The following ALPK2 variants were observed in gnomAD, a reference collection of about 807,000 sequenced individuals.
The protein encoded by ALPK2 is alpha kinase 2, also known as alpha-protein kinase 2.
ALPK2 carries 127 observed loss-of-function variants against 163.1 expected under a neutral mutation model. The ratio of observed to expected loss-of-function variants is 0.78; its 90% CI spans 0.67 to 0.90. The LOEUF is 0.90. ALPK2 is among the 40% of genes least tolerant of loss of function. ALPK2 has a pLI of 0.00. For synonymous variants in ALPK2, 953 were observed against 959.1 expected (o/e 0.99, Z 0.12); for missense variants, 2,360 against 2,589.6 (o/e 0.91, Z 1.92).
At chr18:58,516,840 T>C in intron 9 of ALPK2, 68 bp downstream of exon 9, 2 of 1,543,970 alleles carry the variant, frequency 1.3e-6, no homozygotes, top group Admixed American at 3.5e-5. Context: ...CTGAGTCTGA[T>C]TTTCATCTCG....
At chr18:58,505,021 G>C (rs571941864) in intron 10 of ALPK2, among the ~76,000 whole-genome samples, 6 of 152,238 alleles carry the variant, frequency 3.9e-5, no homozygotes, top group Non-Finnish European at 7.4e-5. Flanking sequence ...AGGCCTTGGG[G>C]GACCTGGGAG....
At chr18:58,590,712 A>G (rs1011322562) in intron 3 of ALPK2, among the ~76,000 whole-genome samples, 1 of 152,214 alleles carries the variant, frequency 6.6e-6, no homozygotes, top group African/African-American at 2.4e-5. Flanking sequence ...GAATTTCTTG[A>G]TCATATTTTC....
rs1568101775 is a variant in ALPK2 at position 58,613,712 on chromosome 18, AATAATAATAAT to A, written c.-20-1906_-20-1896del. On this transcript the variant is annotated intron_variant, in intron 1 of 12. Coordinates refer to ENST00000361673, the MANE Select transcript of ALPK2 (RefSeq NM_052947.4). ...AGACTCCATCTCAAAAAAAAAAAAT[AATAATAATAAT>A]AATAATAATAATAATAATAATAAAA... Among the ~76,000 whole-genome samples the A allele has an allele frequency of 1.4e-3, 63 of 44,886 alleles. 2 individuals carry two copies. Among genetic ancestry groups the A allele is most frequent in the Admixed American group, 5.5e-3 (31 of 5,594 alleles). 29.4% of individuals were successfully genotyped at this position (44,886 alleles called of 152,430 possible).
At chr18:58,550,551 CTATCATATATGACTCTACCCT>C (rs1568082619) in intron 4 of ALPK2, among the ~76,000 whole-genome samples, 944 of 151,800 alleles carry the variant, frequency 6.2e-3, no homozygotes, top group Middle Eastern at 0.01. Flanking sequence ...ATCCCCATCT[CTATCATATATGACTCTACCCT>C]CATCTATATC....
chr18:58,486,344 C>T (rs895766906), intron 12 of ALPK2, among the ~76,000 whole-genome samples: 1 of 152,184 alleles, frequency 6.6e-6, no homozygotes, highest in Non-Finnish European at 1.5e-5. Context: ...AGTGGGCTCT[C>T]TCCGCACCAT....
At chr18:58,611,973 G>C (rs1006891262) in intron 1 of ALPK2, among the ~76,000 whole-genome samples, 156 bp from the exon 2 acceptor site, 2 of 152,212 alleles carry the variant, frequency 1.3e-5, no homozygotes, top group African/African-American at 4.8e-5. Flanking sequence ...CCAGGCCGTG[G>C]TGCTGCTGGT....
intron 10 of ALPK2, among the ~76,000 whole-genome samples, chr18:58,514,329 T>C (rs942014881): frequency 7.2e-5 from 11 of 152,246 alleles, no homozygotes; most frequent in African/African-American, 2.7e-4. Flanking sequence ...GGTAAATAGC[T>C]GCTCTGTCTG....
At chr18:58,606,143 A>G (rs1260848104) in intron 3 of ALPK2, among the ~76,000 whole-genome samples, 1 of 152,182 alleles carries the variant, frequency 6.6e-6, no homozygotes, top group East Asian at 1.9e-4. Flanking sequence ...CAGTGGTGCA[A>G]TCATAGCTCA....
At chr18:58,604,809 G>A (rs919906650) in intron 3 of ALPK2, among the ~76,000 whole-genome samples, 1 of 152,110 alleles carries the variant, frequency 6.6e-6, no homozygotes, top group African/African-American at 2.4e-5. Flanking sequence ...AACAGGGAAT[G>A]GTGACTCCCT....
chr18:58,483,343 G>A (rs1397671844), intron 12 of ALPK2, among the ~76,000 whole-genome samples: 2 of 152,046 alleles, frequency 1.3e-5, no homozygotes, highest in Admixed American at 6.6e-5. Flanking sequence ...TCCCATTGCT[G>A]TTAAAACGAA....
chr18:58,570,648 G>A (rs1459560876), intron 4 of ALPK2, among the ~76,000 whole-genome samples: 2 of 152,198 alleles, frequency 1.3e-5, no homozygotes, highest in Non-Finnish European at 2.9e-5. Flanking sequence ...GGACTTGCAC[G>A]TCAAGGCCTC....
chr18:58,588,888 A>G (rs945075012), intron 3 of ALPK2, among the ~76,000 whole-genome samples: 1 of 152,202 alleles, frequency 6.6e-6, no homozygotes, highest in East Asian at 1.9e-4. Context: ...TGGTGCTGCA[A>G]TGAACATATG....
chr18:58,528,199 C>G (rs186199113), intron 6 of ALPK2, among the ~76,000 whole-genome samples: 1 of 152,186 alleles, frequency 6.6e-6, no homozygotes, highest in South Asian at 2.1e-4. Flanking sequence ...ATGATTCTCA[C>G]GCTCATCTCT....
intron 1 of ALPK2, among the ~76,000 whole-genome samples, chr18:58,622,785 A>G (rs994897798): frequency 6.6e-6 from 1 of 152,028 alleles, no homozygotes; most frequent in Admixed American, 6.6e-5. Flanking sequence ...TATCCTCCAC[A>G]TTTGCCCAGG....
intron 5 of ALPK2, among the ~76,000 whole-genome samples, chr18:58,532,888 A>T (rs1438313777): frequency 6.6e-6 from 1 of 152,142 alleles, no homozygotes; most frequent in Non-Finnish European, 1.5e-5. Flanking sequence ...AACCCAAGCA[A>T]TATAACTCCT....
intron 4 of ALPK2, among the ~76,000 whole-genome samples, chr18:58,547,442 T>C (rs917822343): frequency 6.6e-5 from 10 of 152,216 alleles, no homozygotes; most frequent in African/African-American, 2.2e-4. Flanking sequence ...TCTGCCTCCC[T>C]GGTCTCTTTC....
chr18:58,492,259 C>CA (rs560756414), intron 12 of ALPK2, among the ~76,000 whole-genome samples: 2 of 151,724 alleles, frequency 1.3e-5, no homozygotes, highest in African/African-American at 4.9e-5. Context: ...GAAACAAAGA[C>CA]AAAGACACGC....
intron 2 of ALPK2, 72 bp downstream of exon 2, chr18:58,611,617 G>T: frequency 2.3e-6 from 3 of 1,325,120 alleles, no homozygotes; most frequent in Non-Finnish European, 3.2e-6. Context: ...TTTTAGTAAT[G>T]CCTTTGTGAG....
At chr18:58,499,817 G>A (rs2051422261) in intron 11 of ALPK2, among the ~76,000 whole-genome samples, 1 of 152,230 alleles carries the variant, frequency 6.6e-6, no homozygotes, top group Non-Finnish European at 1.5e-5. Context: ...TGGCAGCCTA[G>A]AAACCAGTTT....
Sources: gnomAD v4.1 joint callset for allele counts (sites outside exome capture counted in the v4.1 genomes callset) on GRCh38, gnomAD v4.1.1 for gene constraint, MANE v1.5 for transcripts, NCBI Gene and HGNC (gene_info 2026-07-23, HGNC 2026-07-21) for gene names.